The following SEMA3A variants were observed in gnomAD, a reference collection of about 807,000 sequenced individuals.
SEMA3A encodes the protein semaphorin 3A.
Under a neutral mutation model 97.9 loss-of-function variants are expected in SEMA3A, and 29 were observed. That is an observed-to-expected ratio of 0.30 (90% CI 0.22 to 0.40). The LOEUF (loss-of-function observed/expected upper bound fraction) is 0.40, where lower values mean the gene tolerates loss of function less well. Ranked by LOEUF, SEMA3A falls within the 10% of genes least tolerant of loss-of-function variation. The pLI, the probability that SEMA3A is intolerant of heterozygous loss-of-function variation, is 1.00. For synonymous variants in SEMA3A, 321 were observed against 323.7 expected, an observed-to-expected ratio of 0.99 and a Z score of 0.09; for missense variants, 763 against 951.3, an observed-to-expected ratio of 0.80 and a Z score of 2.60.
Position 84,130,968 on chromosome 7 carries a change from G to A in SEMA3A, c.271-1783C>T, listed in dbSNP as rs1795945864. On this transcript the variant is annotated intron_variant, in intron 2 of 16. Coordinates refer to ENST00000265362, the MANE Select transcript of SEMA3A (RefSeq NM_006080.3). ...CTCTCGTTGCTTAATTGTTGAGACAGTATAGACCTCATTTTATGATTCTCT... is the reference window on the plus strand; with the variant it reads ...CTCTCGTTGCTTAATTGTTGAGACAATATAGACCTCATTTTATGATTCTCT... Among the ~76,000 whole-genome samples the A allele has an allele frequency of 2.0e-5, 3 of 152,104 alleles. No homozygotes were observed. The South Asian group carries it at 6.2e-4, about 31-fold the overall frequency.
chr7:84,150,535 G>A lies in SEMA3A; in HGVS notation c.113-15584C>T, dbSNP rs1796611957. On this transcript the variant is annotated intron_variant, in intron 1 of 16. Coordinates refer to ENST00000265362, the MANE Select transcript of SEMA3A (RefSeq NM_006080.3). Reference sequence around the variant, plus strand: ...CCCGAATACTGTGCTTTTCCGACGGGCTTAAAAAACGGCGCATCACGAGAT... The same window carrying A: ...CCCGAATACTGTGCTTTTCCGACGGACTTAAAAAACGGCGCATCACGAGAT... Among the ~76,000 whole-genome samples the A allele has an allele frequency of 2.6e-5, 4 of 152,218 alleles. 1 individual carries two copies. Among genetic ancestry groups the A allele is most frequent in the African/African-American group, 9.6e-5 (4 of 41,554 alleles).
chr7:84,002,394 T>G (rs796520048), intron 11 of SEMA3A, among the ~76,000 whole-genome samples: 2 of 152,330 alleles, frequency 1.3e-5, no homozygotes, highest in African/African-American at 4.8e-5. Flanking sequence ...TCATTATTTC[T>G]AAAAATATCT....
At chr7:84,029,838 C>CACACACAT (rs1554397098) in intron 6 of SEMA3A, among the ~76,000 whole-genome samples, 3 of 151,066 alleles carry the variant, frequency 2.0e-5, no homozygotes, top group African/African-American at 4.9e-5. Context: ...CACACACACA[C>CACACACAT]ATTTTAGAAA....
At chr7:83,989,239 C>T (rs1789781293) in intron 12 of SEMA3A, among the ~76,000 whole-genome samples, 1 of 152,038 alleles carries the variant, frequency 6.6e-6, no homozygotes, top group Admixed American at 6.6e-5. Context: ...GCTCTAAATA[C>T]TTTCAAAAAT....
intron 1 of SEMA3A, among the ~76,000 whole-genome samples, chr7:84,401,789 T>C (rs1803911587): frequency 6.6e-6 from 1 of 152,136 alleles, no homozygotes; most frequent in South Asian, 2.1e-4. Context: ...ATGGTGCTAA[T>C]AATACTGGAT....
intron 1 of SEMA3A, among the ~76,000 whole-genome samples, chr7:84,436,215 A>C (rs2116329845): frequency 1.3e-5 from 2 of 152,208 alleles, no homozygotes; most frequent in East Asian, 3.9e-4. Flanking sequence ...TAAGACATTA[A>C]ACTATAAGAA....
At chr7:84,465,227 C>T (rs999080058) in intron 1 of SEMA3A, among the ~76,000 whole-genome samples, 1 of 152,002 alleles carries the variant, frequency 6.6e-6, no homozygotes, top group African/African-American at 2.4e-5. Context: ...TTCTGGGAGT[C>T]CTAAATATTC....
chr7:84,317,073 C>G (rs1243484084), intron 2 of SEMA3A, among the ~76,000 whole-genome samples: 1 of 152,076 alleles, frequency 6.6e-6, no homozygotes, highest in Non-Finnish European at 1.5e-5. Flanking sequence ...CTTATGGACC[C>G]TAAAAACTCT....
intron 1 of SEMA3A, among the ~76,000 whole-genome samples, chr7:84,190,163 C>A (rs1797998261): frequency 6.6e-6 from 1 of 151,658 alleles, no homozygotes; most frequent in African/African-American, 2.4e-5. Context: ...TGTATAAATT[C>A]TTTCAAAGGT....
At chr7:84,400,913 C>T (rs1043140207) in intron 1 of SEMA3A, among the ~76,000 whole-genome samples, 1 of 152,158 alleles carries the variant, frequency 6.6e-6, no homozygotes, top group African/African-American at 2.4e-5. Flanking sequence ...TGGCTAGCAT[C>T]ACACTGAATT....
intron 1 of SEMA3A, among the ~76,000 whole-genome samples, chr7:84,136,203 G>A (rs997578747): frequency 1.3e-5 from 2 of 152,192 alleles, no homozygotes; most frequent in Non-Finnish European, 2.9e-5. Context: ...TGTAGAATGC[G>A]ATGTGCCTTC....
chr7:84,459,861 A>G (rs145495594), intron 1 of SEMA3A, among the ~76,000 whole-genome samples: 14 of 152,154 alleles, frequency 9.2e-5, no homozygotes, highest in African/African-American at 3.1e-4. Flanking sequence ...AACCCTGTCA[A>G]TACAAAAATA....
chr7:84,149,999 T>C (rs1013395406), intron 1 of SEMA3A, among the ~76,000 whole-genome samples: 9 of 152,326 alleles, frequency 5.9e-5, no homozygotes, highest in African/African-American at 1.9e-4. Flanking sequence ...TTTCCTGATA[T>C]TTATTTTGCA....
intron 1 of SEMA3A, among the ~76,000 whole-genome samples, chr7:84,410,437 C>A (rs1804231063): frequency 6.6e-6 from 1 of 152,054 alleles, no homozygotes; most frequent in Admixed American, 6.6e-5. Context: ...AATTCCCAAC[C>A]CAGATTGCAC....
chr7:84,322,696 A>G (rs149914526), intron 2 of SEMA3A, among the ~76,000 whole-genome samples: 2 of 152,190 alleles, frequency 1.3e-5, no homozygotes, highest in African/African-American at 2.4e-5. Flanking sequence ...TTTATAAATT[A>G]TAAGTCTCAG....
chr7:84,150,701 A>G (rs1796622232), intron 1 of SEMA3A, among the ~76,000 whole-genome samples: 1 of 152,202 alleles, frequency 6.6e-6, no homozygotes, highest in African/African-American at 2.4e-5. Context: ...TTAGGTAAAC[A>G]AAGCAGCTGG....
chr7:84,475,950 C>A (rs1199800129), intron 1 of SEMA3A, among the ~76,000 whole-genome samples: 2 of 152,068 alleles, frequency 1.3e-5, no homozygotes, highest in Non-Finnish European at 2.9e-5. Context: ...GTAAAACATA[C>A]AAATAAAGCC....
At chr7:84,165,028 C>T (rs1280588083) in intron 1 of SEMA3A, among the ~76,000 whole-genome samples, 1 of 151,868 alleles carries the variant, frequency 6.6e-6, no homozygotes. Flanking sequence ...AGCAACATGG[C>T]GAAACCCCGT....
At chr7:84,203,175 C>G (rs17158734) in intron 3 of SEMA3A, among the ~76,000 whole-genome samples, 3,311 of 151,964 alleles carry the variant, frequency 0.022, 148 homozygotes, top group African/African-American at 0.076. Context: ...TTTGAAAAAG[C>G]CTTGCATAAT....
Sources: allele counts gnomAD v4.1 joint callset (sites outside exome capture counted in the v4.1 genomes callset), GRCh38; gene constraint gnomAD v4.1.1; transcripts MANE v1.5; gene names NCBI Gene and HGNC (gene_info 2026-07-23, HGNC 2026-07-21).